SYNPO2: variants seen among roughly 807,000 people sequenced by gnomAD.
The protein encoded by SYNPO2 is synaptopodin 2.
A neutral mutation model predicts 85.0 loss-of-function variants in SYNPO2; 56 were observed. The ratio of observed to expected loss-of-function variants is 0.66; its 90% CI spans 0.53 to 0.82. The LOEUF (loss-of-function observed/expected upper bound fraction) is 0.82. Among genes scored for constraint, SYNPO2 ranks in the 40% least tolerant of loss-of-function variants. The pLI is 0.00. For synonymous variants in SYNPO2, 602 were observed against 591.1 expected, an observed-to-expected ratio of 1.02 and a Z score of -0.27; for missense variants, 1,575 against 1,534.2, an observed-to-expected ratio of 1.03 and a Z score of -0.44.
intron 1 of SYNPO2, among the ~76,000 whole-genome samples, chr4:118,943,082 G>C (rs1578571952): frequency 6.6e-6 from 1 of 151,708 alleles, no homozygotes; most frequent in Non-Finnish European, 1.5e-5. Context: ...ACTCCAGCTT[G>C]GGTGACAGAG....
chr4:119,031,805 A>G lies in SYNPO2; in HGVS notation c.3030A>G (p.Pro1010=). The change falls in exon 4 of 5, where the codon CCA becomes CCG. Residue 1010 remains proline, a synonymous_variant. Transcript: ENST00000307142. The part of the protein sequence containing the change: ...LAMKQALPPR[P]VNAASPTNVQ... ...TGAAGCAAGCTCTTCCTCCCCGGCC[A>G]GTGAATGCTGCCTCACCTACGAATG... 4 of 1,614,204 alleles carry G rather than the reference A, an allele frequency of 2.5e-6. No homozygotes were observed. Among genetic ancestry groups the G allele is most frequent in the Non-Finnish European group, 3.4e-6 (4 of 1,180,038 alleles).
At chr4:118,907,053 T>C (rs1043206388) in intron 1 of SYNPO2, among the ~76,000 whole-genome samples, 5 of 151,962 alleles carry the variant, frequency 3.3e-5, no homozygotes, top group African/African-American at 1.2e-4. Context: ...AGTTTCAAGC[T>C]ATTCTCCCAC....
At chr4:119,051,286 T>C (rs1398861178) in intron 4 of SYNPO2, among the ~76,000 whole-genome samples, 3 of 128,654 alleles carry the variant, frequency 2.3e-5, no homozygotes, top group Non-Finnish European at 4.8e-5. Flanking sequence ...GCCTCCCGGG[T>C]TCACGCCATT....
intron 1 of SYNPO2, among the ~76,000 whole-genome samples, chr4:118,942,470 CACA>C (rs1400497524): frequency 2.0e-5 from 3 of 152,176 alleles, no homozygotes; most frequent in African/African-American, 7.2e-5. Flanking sequence ...ACCTGGAAAG[CACA>C]ACATTTTTTT....
intron 4 of SYNPO2, among the ~76,000 whole-genome samples, chr4:119,054,683 T>A (rs1430718981): frequency 6.6e-6 from 1 of 151,898 alleles, no homozygotes; most frequent in Admixed American, 6.6e-5. Flanking sequence ...GTGGGTGGGG[T>A]GGGCCGCAGG....
Position 118,889,112 on chromosome 4 carries a change from G to A in SYNPO2, c.76G>A (p.Glu26Lys). 1 of 1,614,200 alleles carries A rather than the reference G, an allele frequency of 6.2e-7. No individual in the cohort carries two copies. Among genetic ancestry groups the A allele is most frequent in the Non-Finnish European group, 8.5e-7 (1 of 1,180,042 alleles). The change falls in exon 1 of 5, where the codon GAG (glutamate) becomes AAG (lysine). Residue 26 changes from glutamate (E) to lysine (K), a missense_variant. Physicochemically the swap from Glu to Lys is moderately conservative, Grantham distance 56. Transcript: ENST00000307142. ...GGGGTTCAGATTGCAAGGTGGCAAG[G>A]AGCAGAAGCAGCCCTTACAAGTTGC... ...PWGFRLQGGK[E>K]QKQPLQVAKI...
At chr4:119,014,947 A>T (rs1737471061) in intron 1 of SYNPO2, among the ~76,000 whole-genome samples, 1 of 152,132 alleles carries the variant, frequency 6.6e-6, no homozygotes, top group African/African-American at 2.4e-5. Flanking sequence ...TTCCCCCAGT[A>T]CCCTACTACA....
intron 1 of SYNPO2, among the ~76,000 whole-genome samples, chr4:119,001,031 C>T (rs1736804106): frequency 6.6e-6 from 1 of 152,324 alleles, no homozygotes; most frequent in Middle Eastern, 3.4e-3. Flanking sequence ...CATGGCTGTT[C>T]TTTCTACCCT....
intron 1 of SYNPO2, among the ~76,000 whole-genome samples, chr4:118,893,880 T>G (rs1378922838): frequency 6.6e-6 from 1 of 151,888 alleles, no homozygotes; most frequent in African/African-American, 2.4e-5. Context: ...CACAAAGAAA[T>G]GATAAATATT....
Position 119,009,558 on chromosome 4 carries a change from C to G in SYNPO2, c.106-13872C>G, listed in dbSNP as rs181455647. 1.2e-4 allele frequency among the ~76,000 whole-genome samples: 18 copies of G among 152,150 alleles called. No homozygotes were observed. The East Asian group carries it at 3.5e-3, about 29-fold the overall frequency. On this transcript the variant is annotated intron_variant, in intron 1 of 4. Transcript: ENST00000307142. ...CACACACATAAACATAATTGATTGCCCCCCAAAATATTTTCCTAAAGTATT... is the reference window on the plus strand; with the variant it reads ...CACACACATAAACATAATTGATTGCGCCCCAAAATATTTTCCTAAAGTATT...
chr4:118,878,164 A>T (rs1004697539), intron 1 of SYNPO2, among the ~76,000 whole-genome samples: 1 of 152,176 alleles, frequency 6.6e-6, no homozygotes, highest in South Asian at 2.1e-4. Flanking sequence ...TTGAGTACAT[A>T]TTGACACAAA....
chr4:119,000,095 A>C (rs921827153), intron 1 of SYNPO2, among the ~76,000 whole-genome samples: 1 of 152,204 alleles, frequency 6.6e-6, no homozygotes, highest in African/African-American at 2.4e-5. Context: ...GCAGTGGCAC[A>C]ATCATGGTTC....
chr4:118,904,638 CA>C (rs1470957623), intron 1 of SYNPO2, among the ~76,000 whole-genome samples: 2 of 152,152 alleles, frequency 1.3e-5, no homozygotes, highest in African/African-American at 2.4e-5. Context: ...CCCCCACCTC[CA>C]CCCCCACATG....
intron 1 of SYNPO2, among the ~76,000 whole-genome samples, chr4:118,978,182 A>G (rs761133582): frequency 6.6e-6 from 1 of 152,152 alleles, no homozygotes; most frequent in Non-Finnish European, 1.5e-5. Flanking sequence ...GCCCATCTAA[A>G]TTTCAAGCTT....
At chr4:119,051,433 C>T (rs953851616) in intron 4 of SYNPO2, among the ~76,000 whole-genome samples, 19 of 151,556 alleles carry the variant, frequency 1.3e-4, no homozygotes, top group Middle Eastern at 3.4e-3. Flanking sequence ...CCTCGTGATC[C>T]GCCCGCCTCG....
Position 119,031,546 on chromosome 4 carries a change from C to T in SYNPO2, c.2771C>T (p.Ala924Val). 6.2e-7 allele frequency: 1 copy of T among 1,614,166 alleles called. No individual in the cohort carries two copies. Among genetic ancestry groups the T allele is most frequent in the Non-Finnish European group, 8.5e-7 (1 of 1,180,026 alleles). ...AATGTCCGAGCACCTCCTCCTGTGG[C>T]CTATAATCCTATCCACTCGCCGTCT... is the stretch of plus-strand genomic sequence containing the variant. Reference protein sequence around the residue: ...SSNVRAPPPVAYNPIHSPSYP... With the variant: ...SSNVRAPPPVVYNPIHSPSYP... Residue 924 changes from alanine (A) to valine (V), a missense_variant, in exon 4 of 5, where the codon GCC becomes GTC. Around this residue, in one of 3 missense-constraint regions of SYNPO2, gnomAD observed 1,508 missense variants for 1,446.8 expected, o/e 1.04. Transcript: ENST00000307142.
chr4:118,896,982 C>A (rs970793499), intron 1 of SYNPO2, among the ~76,000 whole-genome samples: 5 of 151,922 alleles, frequency 3.3e-5, no homozygotes, highest in Non-Finnish European at 7.4e-5. Context: ...TGAAGGATGA[C>A]CTTTCCTGAA....
intron 4 of SYNPO2, chr4:119,035,582 G>C: frequency 1.0e-6 from 1 of 985,296 alleles, no homozygotes; most frequent in South Asian, 4.7e-5. Flanking sequence ...ATGATTGTTA[G>C]TGGTAACATA....
intron 1 of SYNPO2, among the ~76,000 whole-genome samples, chr4:118,861,083 G>T (rs535332757): frequency 5.9e-5 from 9 of 152,260 alleles, no homozygotes; most frequent in Admixed American, 2.6e-4. Flanking sequence ...TGCCTGCCAG[G>T]CATTACTTAA....
Sources: gnomAD v4.1 joint callset for allele counts (sites outside exome capture counted in the v4.1 genomes callset) on GRCh38, gnomAD v4.1.1 for gene constraint, gnomAD v4.1.1 regional missense constraint, MANE v1.5 for transcripts, NCBI Gene and HGNC (gene_info 2026-07-23, HGNC 2026-07-21) for gene names.